The following CADPS variants were observed in gnomAD, a reference collection of about 807,000 sequenced individuals.
CADPS encodes calcium-dependent secretion activator 1.
Under a neutral mutation model 167.3 loss-of-function variants are expected in CADPS, and 57 were observed. The observed-to-expected ratio is 0.34, with a 90% confidence interval of 0.28 to 0.42. The LOEUF (loss-of-function observed/expected upper bound fraction) is 0.42, where lower values mean the gene tolerates loss of function less well. Ranked by LOEUF, CADPS falls within the 20% of genes least tolerant of loss-of-function variation. The pLI, the probability that CADPS is intolerant of heterozygous loss-of-function variation, is 1.00. For synonymous variants in CADPS, 676 were observed against 635.3 expected, an observed-to-expected ratio of 1.06 and a Z score of -0.96; for missense variants, 1,414 against 1,738.1, an observed-to-expected ratio of 0.81 and a Z score of 3.32.
At chr3:62,765,393 A>G (rs2086577262) in intron 2 of CADPS, among the ~76,000 whole-genome samples, 1 of 152,154 alleles carries the variant, frequency 6.6e-6, no homozygotes, top group African/African-American at 2.4e-5. Flanking sequence ...AAAAGAAAGC[A>G]GCATTTTTAA....
chr3:62,743,527 A>C (rs2080775766), intron 3 of CADPS, among the ~76,000 whole-genome samples: 1 of 152,186 alleles, frequency 6.6e-6, no homozygotes, highest in Non-Finnish European at 1.5e-5. Context: ...CAACTTTTTA[A>C]AAATTTTGCC....
Position 62,618,661 on chromosome 3 carries a change from T to C in CADPS, c.1326-25913A>G, listed in dbSNP as rs146083808. ...TCCTTCCTTTCAGATGCCAACTGTT[T>C]CATTCTCAGAGGCTGATATTTTGTT... is the stretch of plus-strand genomic sequence containing the variant. On this transcript the variant is annotated intron_variant, in intron 6 of 29. Coordinates refer to ENST00000383710, the MANE Select transcript of CADPS (RefSeq NM_003716.4). 8.7e-4 allele frequency among the ~76,000 whole-genome samples: 132 copies of C among 152,304 alleles called. 1 individual carries two copies. The highest frequency in any genetic ancestry group is 3.1e-3 in the African/African-American group (128 of 41,572).
intron 3 of CADPS, among the ~76,000 whole-genome samples, chr3:62,733,647 T>C (rs969713524): frequency 5.9e-5 from 9 of 152,184 alleles, no homozygotes; most frequent in African/African-American, 1.9e-4. Flanking sequence ...TTGTGAAGCA[T>C]ATTTTGTTTA....
Position 62,759,197 on chromosome 3 carries a change from C to T in CADPS, c.556-5424G>A, listed in dbSNP as rs73842232. 1.3e-3 allele frequency among the ~76,000 whole-genome samples: 197 copies of T among 152,182 alleles called. 1 individual carries two copies. Among genetic ancestry groups the T allele is most frequent in the African/African-American group, 4.6e-3 (190 of 41,502 alleles). ...CACCTGAGCAAGTTACTTAATCTTC[C>T]TGGGCTTTAATTTCCTCACCTTTAA... On this transcript the variant is annotated intron_variant, in intron 2 of 29. Transcript: ENST00000383710.
chr3:62,562,784 G>T (rs572249421), intron 9 of CADPS, among the ~76,000 whole-genome samples: 2 of 152,344 alleles, frequency 1.3e-5, no homozygotes, highest in South Asian at 4.1e-4. Context: ...TGGAAGTAGG[G>T]TGAGTAAAAC....
intron 26 of CADPS, among the ~76,000 whole-genome samples, chr3:62,452,525 T>C (rs952314264): frequency 1.3e-5 from 2 of 152,158 alleles, no homozygotes; most frequent in African/African-American, 4.8e-5. Context: ...ATATAGGTTA[T>C]TGCATTTTTA....
intron 26 of CADPS, among the ~76,000 whole-genome samples, chr3:62,450,139 A>G (rs28736765): frequency 1.3e-5 from 2 of 152,222 alleles, no homozygotes; most frequent in African/African-American, 4.8e-5. Flanking sequence ...TATAAAAAAG[A>G]TTCTGGAATC....
chr3:62,840,588 AGT>A (rs1406238162), intron 1 of CADPS, among the ~76,000 whole-genome samples: 1 of 152,062 alleles, frequency 6.6e-6, no homozygotes, highest in East Asian at 1.9e-4. Context: ...TATATAAAAA[AGT>A]GTGTGTGTTT....
chr3:62,550,786 C>T (rs1473994780), intron 10 of CADPS: 11 of 456,442 alleles, frequency 2.4e-5, no homozygotes, highest in Non-Finnish European at 4.4e-5. Context: ...AACCAGTGAC[C>T]TCCACATTGC....
intron 17 of CADPS, among the ~76,000 whole-genome samples, chr3:62,503,422 G>C (rs907499726): frequency 6.6e-6 from 1 of 152,210 alleles, no homozygotes; most frequent in African/African-American, 2.4e-5. Context: ...CTATGGGACT[G>C]ATCTCTGTAA....
chr3:62,664,503 G>C (rs190357056), intron 3 of CADPS, among the ~76,000 whole-genome samples: 97 of 152,320 alleles, frequency 6.4e-4, no homozygotes, highest in African/African-American at 2.3e-3. Context: ...CCTCAGTGCT[G>C]TTTTTAGGTT....
chr3:62,822,504 T>C (rs2073163555), intron 1 of CADPS, among the ~76,000 whole-genome samples: 1 of 152,116 alleles, frequency 6.6e-6, no homozygotes, highest in Non-Finnish European at 1.5e-5. Flanking sequence ...CTCCTAAATA[T>C]TCTAACAGAC....
At chr3:62,706,811 A>T (rs1427631831) in intron 3 of CADPS, among the ~76,000 whole-genome samples, 1 of 152,118 alleles carries the variant, frequency 6.6e-6, no homozygotes, top group Non-Finnish European at 1.5e-5. Context: ...CTCTGAAAAG[A>T]CAATATCCAA....
intron 6 of CADPS, among the ~76,000 whole-genome samples, chr3:62,642,168 T>G (rs1280716630): frequency 6.6e-6 from 1 of 151,298 alleles, no homozygotes; most frequent in Non-Finnish European, 1.5e-5. Context: ...GGCACAATGT[T>G]AGGGTTCCAG....
At chr3:62,810,576 C>G (rs2152863280) in intron 1 of CADPS, among the ~76,000 whole-genome samples, 1 of 152,250 alleles carries the variant, frequency 6.6e-6, no homozygotes, top group East Asian at 1.9e-4. Context: ...TTTTCCAGAG[C>G]ATGAATTTCT....
intron 3 of CADPS, among the ~76,000 whole-genome samples, chr3:62,745,223 C>A (rs186844061): frequency 3.9e-4 from 59 of 152,104 alleles, no homozygotes; most frequent in African/African-American, 1.2e-3. Context: ...TGAGCTACCA[C>A]GCCCAGCTAA....
Position 62,753,547 on chromosome 3 carries a change from C to T in CADPS, c.782G>A (p.Ser261Asn). 2 of 1,614,160 alleles carry T rather than the reference C, an allele frequency of 1.2e-6. No homozygotes were observed. The highest frequency in any genetic ancestry group is 1.7e-6 in the Non-Finnish European group (2 of 1,180,036). The change falls in exon 3 of 30, where the codon AGC becomes AAC. Residue 261 changes from serine to asparagine, a missense_variant. Ser to Asn is a conservative substitution (Grantham distance 46, BLOSUM62 1). Transcript: ENST00000383710. The surrounding 1 kb of genome is among the most constrained non-coding windows in gnomAD (Gnocchi z 4.6). ...GCTCAGAATCAGCTCGGAGGCTGCG[C>T]TGGCTGTCATCCGGGCCTGCTGCTT... ...PRKQQARMTA[S>N]AASELILSKE...
intron 2 of CADPS, among the ~76,000 whole-genome samples, chr3:62,755,096 ACTG>A (rs1463193158): frequency 2.6e-5 from 4 of 152,164 alleles, no homozygotes; most frequent in African/African-American, 9.7e-5. Context: ...TAGATGAAAA[ACTG>A]AGACTTCAGA....
chr3:62,628,498 C>A (rs971327154), intron 6 of CADPS, among the ~76,000 whole-genome samples: 1 of 152,080 alleles, frequency 6.6e-6, no homozygotes, highest in South Asian at 2.1e-4. Flanking sequence ...ATAACCTGCT[C>A]TTTTGCAACT....
Sources: allele counts gnomAD v4.1 joint callset (sites outside exome capture counted in the v4.1 genomes callset), GRCh38; gene constraint gnomAD v4.1.1; non-coding constraint Gnocchi (gnomAD v3.1); transcripts MANE v1.5; gene names NCBI Gene and HGNC (gene_info 2026-07-23, HGNC 2026-07-21).